TRPV5: variants seen among roughly 807,000 people sequenced by gnomAD.
The protein encoded by TRPV5 is transient receptor potential cation channel subfamily V member 5.
Under a neutral mutation model 74.1 loss-of-function variants are expected in TRPV5, and 66 were observed. The observed-to-expected ratio is 0.89, with a 90% CI of 0.73 to 1.09. TRPV5 has a LOEUF of 1.09. Ranked by LOEUF, TRPV5 falls within the 50% of genes least tolerant of loss-of-function variation. TRPV5 has a pLI of 0.00. For missense variants in TRPV5, 936 were observed against 930.4 expected (o/e 1.01, Z -0.08); for synonymous variants, 399 against 360.7 (o/e 1.11, Z -1.20).
chr7:142,909,404 T>C, intron 14 of TRPV5, 86 bp downstream of exon 14: 2 of 1,423,302 alleles, frequency 1.4e-6, no homozygotes, highest in Middle Eastern at 1.8e-4. Flanking sequence ...GACAGGCTAA[T>C]GTAGGCTCCA....
chr7:142,923,368 C>A (rs1167118454), intron 8 of TRPV5, among the ~76,000 whole-genome samples: 1 of 152,112 alleles, frequency 6.6e-6, no homozygotes, highest in Non-Finnish European at 1.5e-5. Flanking sequence ...AAAACAGAAT[C>A]TTTCAAATCA....
At chr7:142,911,856 C>T (rs528122434) in intron 13 of TRPV5, among the ~76,000 whole-genome samples, 32 of 152,190 alleles carry the variant, frequency 2.1e-4, no homozygotes, top group African/African-American at 6.3e-4. Context: ...GAAAGACTGG[C>T]GCCAAAGAAT....
chr7:142,915,914 G>T (rs556450653), intron 8 of TRPV5, among the ~76,000 whole-genome samples: 129 of 152,322 alleles, frequency 8.5e-4, no homozygotes, highest in Non-Finnish European at 1.5e-3. Context: ...GGTATTAGTG[G>T]CTTGGGATGG....
intron 13 of TRPV5, among the ~76,000 whole-genome samples, chr7:142,910,406 A>T (rs1227887938): frequency 1.3e-5 from 2 of 152,218 alleles, no homozygotes; most frequent in Non-Finnish European, 2.9e-5. Flanking sequence ...ACTCAGCTTT[A>T]GGTACCCTTA....
rs748744725 is a variant in TRPV5 at position 142,925,538 on chromosome 7, T to C, written c.1113A>G (p.Lys371=). 5.0e-6 allele frequency: 8 copies of C among 1,614,040 alleles called. No homozygotes were observed. In the East Asian group the frequency reaches 1.8e-4, roughly 36 times the overall value. The change falls in exon 8 of 15, where the codon AAA becomes AAG. Residue 371 remains lysine, a synonymous_variant. Transcript: ENST00000265310. ...TTCTGAGGAGAATCACCTGTAGTAG[T>C]TTTTGCTGGAGGATGGTGATGTCTC... is the stretch of plus-strand genomic sequence containing the variant. ...HSRDITILQQ[K]LLQEAYETRE... is the part of the protein sequence containing the mutation.
chr7:142,921,169 T>C (rs1272558885), intron 8 of TRPV5, among the ~76,000 whole-genome samples: 1 of 152,252 alleles, frequency 6.6e-6, no homozygotes, highest in Non-Finnish European at 1.5e-5. Context: ...AGGTAGAAGA[T>C]GATTTTTAAA....
chr7:142,920,130 G>A (rs4252460), intron 8 of TRPV5, among the ~76,000 whole-genome samples: 120,272 of 152,054 alleles, frequency 0.79, 50,230 homozygotes, highest in East Asian at 0.96. Context: ...AGTTCTGTAG[G>A]CGTTTTGGAC....
Position 142,912,584 on chromosome 7 carries a change from G to A in TRPV5, c.1686C>T (p.Phe562=), listed in dbSNP as rs4252498. 149 of 1,613,866 alleles carry A rather than the reference G, an allele frequency of 9.2e-5. 1 individual carries two copies. The highest frequency in any genetic ancestry group is 7.3e-4 in the Admixed American group (44 of 60,002). ...GCATGAGCAGTGTGGCAATGATGGTGAAGGCGAAGTTGACAATGCTGAACA... is the reference window on the plus strand; with the variant it reads ...GCATGAGCAGTGTGGCAATGATGGTAAAGGCGAAGTTGACAATGCTGAACA... ...PFMFSIVNFA[F]TIIATLLMLN... Residue 562 remains phenylalanine, a synonymous_variant, in exon 13 of 15, where the codon TTC becomes TTT. Transcript: ENST00000265310.
intron 14 of TRPV5, 124 bp downstream of exon 14, chr7:142,909,366 T>A: frequency 1.0e-6 from 1 of 972,988 alleles, no homozygotes; most frequent in Non-Finnish European, 1.5e-6. Context: ...TTCGTACCCC[T>A]CCACTTCAGC....
chr7:142,923,570 T>C (rs915607637), intron 8 of TRPV5, among the ~76,000 whole-genome samples: 1 of 152,154 alleles, frequency 6.6e-6, no homozygotes, highest in Non-Finnish European at 1.5e-5. Flanking sequence ...AAGAAAAGAA[T>C]ATCTGAAAGT....
rs1796034739 is a variant in TRPV5, at chr7:142,928,834, G to A, written c.619C>T (p.Pro207Ser). 1 of 1,614,176 alleles carries A rather than the reference G, an allele frequency of 6.2e-7. No homozygotes were observed. The highest frequency in any genetic ancestry group is 8.5e-7 in the Non-Finnish European group (1 of 1,180,034). ...NTVLHILILQ[P>S]NKTFACQMYN... ...ATCTGGCAGGCAAAGGTTTTGTTGG[G>A]CTGGAGGATGAGGATGTGTAATACT... The change falls in exon 6 of 15, where the codon CCC becomes TCC. Residue 207 changes from proline to serine, a missense_variant. By Grantham distance (74) the Pro-to-Ser change is moderately conservative. Transcript: ENST00000265310.
rs149241771 is a variant in TRPV5 at position 142,925,674 on chromosome 7, C to T, written c.977G>A (p.Arg326Gln). The change falls in exon 8 of 15, where the codon CGG becomes CAG. Residue 326 changes from arginine to glutamine, a missense_variant. Arg to Gln is a conservative substitution (Grantham distance 43). Coordinates refer to ENST00000265310, the MANE Select transcript of TRPV5 (RefSeq NM_019841.7). ...GGCAGCCAGGATGCAGAAGTACGGCCGGCCATACTTGTTCCACTTGAAGCT... is the reference window on the plus strand; with the variant it reads ...GGCAGCCAGGATGCAGAAGTACGGCTGGCCATACTTGTTCCACTTGAAGCT... ...LVSFKWNKYG[R>Q]PYFCILAALY... 305 of 1,614,076 alleles carry T rather than the reference C, an allele frequency of 1.9e-4. 1 individual carries two copies. Among genetic ancestry groups the T allele is most frequent in the Non-Finnish European group, 2.5e-4 (290 of 1,180,032 alleles).
At chr7:142,920,447 C>G (rs1211270005) in intron 8 of TRPV5, among the ~76,000 whole-genome samples, 1 of 151,702 alleles carries the variant, frequency 6.6e-6, no homozygotes, top group Non-Finnish European at 1.5e-5. Context: ...ATCTGATCCT[C>G]TCCCACAGCA....
chr7:142,915,437 G>A, intron 9 of TRPV5, 45 bp downstream of exon 9: 6 of 1,611,904 alleles, frequency 3.7e-6, no homozygotes, highest in Non-Finnish European at 5.1e-6. Context: ...TACAGTCTGG[G>A]CCTTAGATGG....
Position 142,912,713 on chromosome 7 carries a change from A to T in TRPV5, c.1557T>A (p.Ser519Arg), listed in dbSNP as rs1163662982. 1 of 1,614,228 alleles carries T rather than the reference A, an allele frequency of 6.2e-7. No homozygotes were observed. The highest frequency in any genetic ancestry group is 2.2e-5 in the East Asian group (1 of 44,886). ...YIIFQTEDPTSLGQFYDYPMA... is the reference protein window; with the variant it reads ...YIIFQTEDPTRLGQFYDYPMA... ...TGGGGTAGTCATAGAATTGCCCCAG[A>T]CTGGTTGGGTCCTCTGTCTGGAAAA... The change falls in exon 13 of 15, where the codon AGT becomes AGA. Residue 519 changes from serine to arginine, a missense_variant. Physicochemically the swap from Ser to Arg is moderately radical, Grantham distance 110 (BLOSUM62 -1). Coordinates refer to ENST00000265310, the MANE Select transcript of TRPV5 (RefSeq NM_019841.7).
rs531381021 is a variant in TRPV5 at position 142,908,243 on chromosome 7, C to T, written c.*271G>A. 1 of 548,118 alleles carries T rather than the reference C, an allele frequency of 1.8e-6. No homozygotes were observed. Among genetic ancestry groups the T allele is most frequent in the Admixed American group, 3.2e-5 (1 of 31,008 alleles). The allele number at this position is 548,118 out of a possible 1,614,324, so 34.0% of individuals were successfully genotyped here. A position where few individuals can be genotyped will look rare whatever the true frequency, so the allele number is the denominator to read the frequency against. On this transcript the variant is annotated 3_prime_UTR_variant, in exon 15 of 15. Transcript: ENST00000265310. ...AATGGTCCTGACATTAATCTAGCAT[C>T]CCTGCCTCATGTCTTTAGTTGCCAA... is the stretch of plus-strand genomic sequence containing the variant.
At chr7:142,924,337 CATAT>C (rs1158518744) in intron 8 of TRPV5, among the ~76,000 whole-genome samples, 1,741 of 10,304 alleles carry the variant, frequency 0.17, 330 homozygotes, top group African/African-American at 0.28. Context: ...TATATATATA[CATAT>C]ATATATATAT....
intron 8 of TRPV5, among the ~76,000 whole-genome samples, chr7:142,923,609 C>T (rs972231437): frequency 6.6e-6 from 1 of 151,996 alleles, no homozygotes; most frequent in South Asian, 2.1e-4. Context: ...GCTGAAGTGG[C>T]TTTCACTGAA....
Position 142,933,675 on chromosome 7 carries a change from G to A in TRPV5, c.-216C>T. The A allele has an allele frequency of 1.7e-6, 1 of 604,404 alleles. No individual in the cohort carries two copies. The highest frequency in any genetic ancestry group is 2.9e-6 in the Non-Finnish European group (1 of 349,848). 37.4% of individuals were successfully genotyped at this position (604,404 alleles called of 1,614,324 possible). ...GTGCGTGTATGCACAGTGTGTGGCT[G>A]TGGTGTATGTGTGTGCATGCAGTGT... is the stretch of plus-strand genomic sequence containing the variant. On this transcript the variant is annotated 5_prime_UTR_variant, in exon 1 of 15. It introduces an in-frame stop codon into an upstream open reading frame of the 5' UTR. Coordinates refer to ENST00000265310, the MANE Select transcript of TRPV5 (RefSeq NM_019841.7).
Sources: gnomAD v4.1 joint callset for allele counts (sites outside exome capture counted in the v4.1 genomes callset) on GRCh38, gnomAD v4.1.1 for gene constraint, MANE v1.5 for transcripts, NCBI Gene and HGNC (gene_info 2026-07-23, HGNC 2026-07-21) for gene names.